Variants in OR5A2 observed in about 807,000 individuals in gnomAD.
The protein encoded by OR5A2 is olfactory receptor 5A2.
For synonymous variants in OR5A2, 155 were observed against 151.1 expected (o/e 1.03, Z -0.19); for missense variants, 406 against 398.9 (o/e 1.02, Z -0.15).
chr11:59,425,107 A>G (rs1375322065), intron 1 of OR5A2: 1 of 152,210 alleles, frequency 6.6e-6, no homozygotes, highest in Non-Finnish European at 1.5e-5. Context: ...AGAAAGAGTA[A>G]TTCAGGCAGA....
chr11:59,422,346 A>G lies in OR5A2; in HGVS notation c.608T>C (p.Val203Ala). The G allele has an allele frequency of 3.1e-6, 5 of 1,614,154 alleles. No individual in the cohort carries two copies. The highest frequency in any genetic ancestry group is 4.2e-6 in the Non-Finnish European group (5 of 1,180,028). ...AGACACTATTCCAACGACAACACTG[A>G]CTATGAAGGTCACCACCTCGCTGGT... ...TFTSEVVTFI[V>A]SVVVGIVSVL... Residue 203 changes from valine (V) to alanine (A), a missense_variant, in exon 2 of 2, where the codon GTC becomes GCC. By Grantham distance (64) the Val-to-Ala change is moderately conservative. Coordinates refer to ENST00000302040, the MANE Select transcript of OR5A2 (RefSeq NM_001001954.2).
Position 59,422,928 on chromosome 11 carries a change from A to G in OR5A2, c.26T>C (p.Ile9Thr), listed in dbSNP as rs564135047. 2.5e-6 allele frequency: 4 copies of G among 1,613,806 alleles called. No homozygotes were observed. In the Admixed American group the frequency reaches 5.0e-5, roughly 20 times the overall value. Residue 9 changes from isoleucine to threonine, a missense_variant, in exon 2 of 2, where the codon ATT (isoleucine) becomes ACT (threonine). Ile to Thr is a moderately conservative substitution (Grantham distance 89). Coordinates refer to ENST00000302040, the MANE Select transcript of OR5A2 (RefSeq NM_001001954.2). Reference protein sequence around the residue: MAVGRNNTIVTKFILLGLS... With the variant: MAVGRNNTTVTKFILLGLS... ...TCCCAGGAGAATGAATTTTGTCACAATTGTGTTGTTCCTTCCTACAGCCAT... is the reference window on the plus strand; with the variant it reads ...TCCCAGGAGAATGAATTTTGTCACAGTTGTGTTGTTCCTTCCTACAGCCAT...
Position 59,421,065 on chromosome 11 carries a change from C to T in OR5A2, c.*914G>A, listed in dbSNP as rs1858215456. The T allele has an allele frequency of 1.3e-5, 2 of 152,234 alleles. No individual in the cohort carries two copies. The highest frequency in any genetic ancestry group is 4.1e-4 in the South Asian group (2 of 4,824). The allele number at this position is 152,234 out of a possible 1,614,324, so 9.4% of individuals were successfully genotyped here. On this transcript the variant is annotated 3_prime_UTR_variant, in exon 2 of 2. Coordinates refer to ENST00000302040, the MANE Select transcript of OR5A2 (RefSeq NM_001001954.2). The stretch of plus-strand genomic sequence containing the variant: ...AATTCATAAAGAGATTTAATTGGCT[C>T]ACAGTTCTTCAGGCTTTACAGGAAG...
intron 1 of OR5A2, chr11:59,425,172 G>C (rs544615347): frequency 1.3e-5 from 2 of 152,314 alleles, no homozygotes; most frequent in South Asian, 4.1e-4. Flanking sequence ...GTCTCCCTGA[G>C]CATCAGGGAT....
rs1490389260 is a variant in OR5A2 at position 59,418,577 on chromosome 11, G to A, written c.*3402C>T. 2 of 151,952 alleles carry A rather than the reference G, an allele frequency of 1.3e-5. No homozygotes were observed. Among genetic ancestry groups the A allele is most frequent in the Non-Finnish European group, 2.9e-5 (2 of 67,998 alleles). The allele number at this position is 151,952 out of a possible 1,614,324, so 9.4% of individuals were successfully genotyped here. On this transcript the variant is annotated 3_prime_UTR_variant, in exon 2 of 2. Coordinates refer to ENST00000302040, the MANE Select transcript of OR5A2 (RefSeq NM_001001954.2). The stretch of plus-strand genomic sequence containing the variant: ...ATTCCTTAAGGGCCCAAAATATTCT[G>A]TTTAATGTGTGTCTGATTATATGCC...
Position 59,426,311 on chromosome 11 carries a change from T to C in OR5A2, c.-232A>G, listed in dbSNP as rs962218237. On this transcript the variant is annotated 5_prime_UTR_variant, in exon 1 of 2. Coordinates refer to ENST00000302040, the MANE Select transcript of OR5A2 (RefSeq NM_001001954.2). ...CATGGCTGGTTTCTCGTTCCATCAA[T>C]TTCTTATGCTTTGGCCTCATGTAAA... 1 of 152,224 alleles carries C rather than the reference T, an allele frequency of 6.6e-6. No individual in the cohort carries two copies. Among genetic ancestry groups the C allele is most frequent in the Non-Finnish European group, 1.5e-5 (1 of 68,020 alleles). 9.4% of individuals were successfully genotyped at this position (152,224 alleles called of 1,614,324 possible).
At position 59,419,724 on chromosome 11, in the gene OR5A2, CT is replaced by C; in HGVS notation, c.*2254del. On this transcript the variant is annotated 3_prime_UTR_variant, in exon 2 of 2. Transcript: ENST00000302040. ...CAATTGGTTGAGTTCGTCTGAAGAC[CT>C]GGGATTAATGGAAAGAAATGTTCAG... The C allele has an allele frequency of 6.6e-6, 1 of 152,152 alleles. No individual in the cohort carries two copies. The highest frequency in any genetic ancestry group is 3.4e-3 in the Middle Eastern group (1 of 294). 9.4% of individuals were successfully genotyped at this position (152,152 alleles called of 1,614,324 possible). A position where few individuals can be genotyped will look rare whatever the true frequency, so the allele number is the denominator to read the frequency against.
Position 59,418,188 on chromosome 11 carries a change from T to C in OR5A2, c.*3791A>G, listed in dbSNP as rs560473627. 1 of 152,240 alleles carries C rather than the reference T, an allele frequency of 6.6e-6. No individual in the cohort carries two copies. The highest frequency in any genetic ancestry group is 2.1e-4 in the South Asian group (1 of 4,826). The allele number at this position is 152,240 out of a possible 1,614,324, so 9.4% of individuals were successfully genotyped here. A position where few individuals can be genotyped will look rare whatever the true frequency, so the allele number is the denominator to read the frequency against. ...CCGATCTGGACCCTCTAGCTGGGTG[T>C]ATCAGGAACTGATCCACTTTATCAG... On this transcript the variant is annotated 3_prime_UTR_variant, in exon 2 of 2. Coordinates refer to ENST00000302040, the MANE Select transcript of OR5A2 (RefSeq NM_001001954.2).
At position 59,421,953 on chromosome 11, in the gene OR5A2, C is replaced by T. The variant is rs1339508694; in HGVS notation, c.*26G>A. The T allele has an allele frequency of 9.6e-6, 15 of 1,557,494 alleles. No homozygotes were observed. The highest frequency in any genetic ancestry group is 4.1e-5 in the African/African-American group (3 of 73,026). ...ATTATGTAAATGTCTGCACAATTCA[C>T]CTAGCTCACAGCTTCATTGTAAACA... On this transcript the variant is annotated 3_prime_UTR_variant, in exon 2 of 2. Coordinates refer to ENST00000302040, the MANE Select transcript of OR5A2 (RefSeq NM_001001954.2).
Position 59,417,089 on chromosome 11 carries a change from A to T in OR5A2, c.*4890T>A, listed in dbSNP as rs555546664. On this transcript the variant is annotated 3_prime_UTR_variant, in exon 2 of 2. Coordinates refer to ENST00000302040, the MANE Select transcript of OR5A2 (RefSeq NM_001001954.2). The stretch of plus-strand genomic sequence containing the variant: ...CATGCTGACATTTAAGTCTAGTTTG[A>T]CATCATAGTTCCATCTCAGAAGAAC... The T allele has an allele frequency of 2.6e-5, 4 of 152,166 alleles. No individual in the cohort carries two copies. The highest frequency in any genetic ancestry group is 6.6e-5 in the Admixed American group (1 of 15,256). The allele number at this position is 152,166 out of a possible 1,614,324, so 9.4% of individuals were successfully genotyped here. A position where few individuals can be genotyped will look rare whatever the true frequency, so the allele number is the denominator to read the frequency against.
Position 59,422,679 on chromosome 11 carries a change from G to A in OR5A2, c.275C>T (p.Thr92Ile), listed in dbSNP as rs751783778. 3 of 1,614,160 alleles carry A rather than the reference G, an allele frequency of 1.9e-6. No homozygotes were observed. Among genetic ancestry groups the A allele is most frequent in the Non-Finnish European group, 2.5e-6 (3 of 1,180,024 alleles). Reference sequence around the variant, plus strand: ...AGTGGCACAGCCAACAAAGGAAATGGTTTTCTGCTCTGTGATGATGTCAGA... The same window carrying A: ...AGTGGCACAGCCAACAAAGGAAATGATTTTCTGCTCTGTGATGATGTCAGA... ...MLSDIITEQKTISFVGCATQY... is the reference protein window; with the variant it reads ...MLSDIITEQKIISFVGCATQY... The change falls in exon 2 of 2, where the codon ACC becomes ATC. Residue 92 changes from threonine to isoleucine, a missense_variant. Thr to Ile is a moderately conservative substitution (Grantham distance 89). Coordinates refer to ENST00000302040, the MANE Select transcript of OR5A2 (RefSeq NM_001001954.2).
Position 59,420,918 on chromosome 11 carries a change from T to G in OR5A2, c.*1061A>C, listed in dbSNP as rs1858214011. On this transcript the variant is annotated 3_prime_UTR_variant, in exon 2 of 2. Coordinates refer to ENST00000302040, the MANE Select transcript of OR5A2 (RefSeq NM_001001954.2). Reference sequence around the variant, plus strand: ...TTGGGCTTAAGCAATAATTCCTTGGTTTTATTCAAATTGTTTTAGTGGCCT... The same window carrying G: ...TTGGGCTTAAGCAATAATTCCTTGGGTTTATTCAAATTGTTTTAGTGGCCT... 1 of 152,194 alleles carries G rather than the reference T, an allele frequency of 6.6e-6. No individual in the cohort carries two copies. Among genetic ancestry groups the G allele is most frequent in the African/African-American group, 2.4e-5 (1 of 41,438 alleles). 9.4% of individuals were successfully genotyped at this position (152,194 alleles called of 1,614,324 possible). A position where few individuals can be genotyped will look rare whatever the true frequency, so the allele number is the denominator to read the frequency against.
In OR5A2 at chr11:59,421,494, G is replaced by T. The variant is rs1858219531; in HGVS notation, c.*485C>A. The T allele has an allele frequency of 6.5e-6, 1 of 154,924 alleles. No homozygotes were observed. Among genetic ancestry groups the T allele is most frequent in the African/African-American group, 2.4e-5 (1 of 41,448 alleles). The allele number at this position is 154,924 out of a possible 1,614,324, so 9.6% of individuals were successfully genotyped here. A position where few individuals can be genotyped will look rare whatever the true frequency, so the allele number is the denominator to read the frequency against. ...GAAAACTCTCCCATCAGTCACAGGG[G>T]CTCCTATGGCCATGATTCTGAAACA... On this transcript the variant is annotated 3_prime_UTR_variant, in exon 2 of 2. Transcript: ENST00000302040.
In OR5A2 at chr11:59,419,046, A is replaced by G. The variant is rs941642707; in HGVS notation, c.*2933T>C. 1 of 151,912 alleles carries G rather than the reference A, an allele frequency of 6.6e-6. No homozygotes were observed. The highest frequency in any genetic ancestry group is 1.5e-5 in the Non-Finnish European group (1 of 67,978). 9.4% of individuals were successfully genotyped at this position (151,912 alleles called of 1,614,324 possible). ...GAGTACAGGTCAAGAATGGTGGAGG[A>G]AAAAAAATAGCTATAAGGAAAAGGG... On this transcript the variant is annotated 3_prime_UTR_variant, in exon 2 of 2. Coordinates refer to ENST00000302040, the MANE Select transcript of OR5A2 (RefSeq NM_001001954.2).
rs147557383 is a variant in OR5A2, at chr11:59,421,914, T to A, written c.*65A>T. The A allele has an allele frequency of 0.014, 20,804 of 1,460,038 alleles. 174 individuals carry two copies. The highest frequency in any genetic ancestry group is 0.017 in the Non-Finnish European group (18,194 of 1,086,578). 90.4% of individuals were successfully genotyped at this position (1,460,038 alleles called of 1,614,324 possible). A position where few individuals can be genotyped will look rare whatever the true frequency, so the allele number is the denominator to read the frequency against. ...TGATTCCCACAATTCATTCTATAGA[T>A]CAACTAGTTTAAAATTATGTAAATG... On this transcript the variant is annotated 3_prime_UTR_variant, in exon 2 of 2. Coordinates refer to ENST00000302040, the MANE Select transcript of OR5A2 (RefSeq NM_001001954.2).
At chr11:59,423,367 GC>G (rs541775172) in intron 1 of OR5A2, 228 of 160,824 alleles carry the variant, frequency 1.4e-3, no homozygotes, top group Middle Eastern at 3.2e-3. Context: ...GTTCCCTATG[GC>G]TTTTTTAGAC....
chr11:59,418,655 C>A lies in OR5A2; in HGVS notation c.*3324G>T, dbSNP rs567332376. ...TATTTAACATGTGGCTTACTGTATACCCCCAAACATTCAAGTCTTACAACC... is the reference window on the plus strand; with the variant it reads ...TATTTAACATGTGGCTTACTGTATAACCCCAAACATTCAAGTCTTACAACC... On this transcript the variant is annotated 3_prime_UTR_variant, in exon 2 of 2. Coordinates refer to ENST00000302040, the MANE Select transcript of OR5A2 (RefSeq NM_001001954.2). 1 of 151,974 alleles carries A rather than the reference C, an allele frequency of 6.6e-6. No homozygotes were observed. Among genetic ancestry groups the A allele is most frequent in the Non-Finnish European group, 1.5e-5 (1 of 67,990 alleles). The allele number at this position is 151,974 out of a possible 1,614,324, so 9.4% of individuals were successfully genotyped here. A position where few individuals can be genotyped will look rare whatever the true frequency, so the allele number is the denominator to read the frequency against.
chr11:59,422,708 C>T lies in OR5A2; in HGVS notation c.246G>A (p.Met82Ile). Residue 82 changes from methionine (M) to isoleucine (I), a missense_variant, in exon 2 of 2, where the codon ATG becomes ATA. Physicochemically the swap from Met to Ile is conservative, Grantham distance 10. Transcript: ENST00000302040. ...ICYVSSTAPKMLSDIITEQKT... is the reference protein window; with the variant it reads ...ICYVSSTAPKILSDIITEQKT... ...TCTGCTCTGTGATGATGTCAGACAG[C>T]ATCTTAGGGGCGGTGGAGGACACAT... The T allele has an allele frequency of 2.5e-6, 4 of 1,614,138 alleles. No individual in the cohort carries two copies. Among genetic ancestry groups the T allele is most frequent in the Non-Finnish European group, 3.4e-6 (4 of 1,180,028 alleles).
chr11:59,422,785 G>T lies in OR5A2; in HGVS notation c.169C>A (p.His57Asn). The stretch of plus-strand genomic sequence containing the variant: ...CTGAGGAAGAAGTACATGGGCATGT[G>T]CAGGTGAGAGTCCATCTTAATGAGG... ...IALIKMDSHL[H>N]MPMYFFLSNL... The change falls in exon 2 of 2, where the codon CAC (histidine) becomes AAC (asparagine). Residue 57 changes from histidine (H) to asparagine (N), a missense_variant. Transcript: ENST00000302040. 1 of 1,614,112 alleles carries T rather than the reference G, an allele frequency of 6.2e-7. No homozygotes were observed. The highest frequency in any genetic ancestry group is 8.5e-7 in the Non-Finnish European group (1 of 1,179,982).
Sources: gnomAD v4.1 joint callset for allele counts on GRCh38, gnomAD v4.1.1 for gene constraint, MANE v1.5 for transcripts, NCBI Gene and HGNC (gene_info 2026-07-23, HGNC 2026-07-21) for gene names.